HECW1: variants seen among roughly 807,000 people sequenced by gnomAD.
The protein encoded by HECW1 is E3 ubiquitin-protein ligase HECW1.
A neutral mutation model predicts 182.3 loss-of-function variants in HECW1; 61 were observed. The ratio of observed to expected loss-of-function variants is 0.33; its 90% confidence interval spans 0.27 to 0.41. The LOEUF (loss-of-function observed/expected upper bound fraction) is 0.41. Among genes scored for constraint, HECW1 ranks in the 10% least tolerant of loss-of-function variants. The pLI is 1.00. For missense variants in HECW1, 1,739 were observed against 2,108.9 expected, an observed-to-expected ratio of 0.82 and a Z score of 3.44; for synonymous variants, 859 against 832.6, an observed-to-expected ratio of 1.03 and a Z score of -0.55.
intron 8 of HECW1, among the ~76,000 whole-genome samples, chr7:43,412,390 C>G (rs1022366041): frequency 6.6e-6 from 1 of 151,430 alleles, no homozygotes; most frequent in Non-Finnish European, 1.5e-5. Context: ...TTAATGCCTC[C>G]CCATACATTT....
intron 2 of HECW1, among the ~76,000 whole-genome samples, chr7:43,181,683 T>TG (rs887047769): frequency 3.3e-5 from 5 of 151,094 alleles, no homozygotes; most frequent in African/African-American, 1.2e-4. Flanking sequence ...TTGAATTATT[T>TG]GGGTTCTTTG....
chr7:43,224,996 C>G (rs578125514), intron 2 of HECW1, among the ~76,000 whole-genome samples: 56 of 152,076 alleles, frequency 3.7e-4, no homozygotes, highest in African/African-American at 1.3e-3. Flanking sequence ...GCAGGCAACT[C>G]GGGGCCTATT....
chr7:43,324,438 G>A (rs1337923889), intron 5 of HECW1, among the ~76,000 whole-genome samples: 1 of 152,170 alleles, frequency 6.6e-6, no homozygotes, highest in African/African-American at 2.4e-5. Context: ...CATGTTATGT[G>A]AAATAATTAG....
intron 11 of HECW1, among the ~76,000 whole-genome samples, chr7:43,450,250 C>A (rs1366672568): frequency 6.6e-6 from 1 of 152,056 alleles, no homozygotes; most frequent in African/African-American, 2.4e-5. Flanking sequence ...CCCTCCCCAA[C>A]CCCCCAACCT....
intron 2 of HECW1, among the ~76,000 whole-genome samples, chr7:43,237,243 A>G (rs1798461580): frequency 2.0e-5 from 3 of 152,242 alleles, no homozygotes; most frequent in South Asian, 4.2e-4. Context: ...TTCTGGGGAA[A>G]AGGGACATTG....
At chr7:43,471,669 T>C (rs1357760140) in intron 16 of HECW1, among the ~76,000 whole-genome samples, 1 of 152,180 alleles carries the variant, frequency 6.6e-6, no homozygotes, top group African/African-American at 2.4e-5. Flanking sequence ...AGAGATTGCA[T>C]GTGTGCCTCA....
At chr7:43,199,727 T>C (rs1377501845) in intron 2 of HECW1, among the ~76,000 whole-genome samples, 1 of 152,168 alleles carries the variant, frequency 6.6e-6, no homozygotes, top group Non-Finnish European at 1.5e-5. Context: ...TAGAAAAAAA[T>C]ATAGAATTTT....
At chr7:43,539,933 G>A (rs1202811282) in intron 24 of HECW1, among the ~76,000 whole-genome samples, 1 of 152,174 alleles carries the variant, frequency 6.6e-6, no homozygotes, top group Middle Eastern at 3.2e-3. Context: ...TGAAGCACTG[G>A]TGGGGTACCC....
At chr7:43,338,194 G>T (rs10951726) in intron 5 of HECW1, among the ~76,000 whole-genome samples, 33,094 of 152,024 alleles carry the variant, frequency 0.22, 3,853 homozygotes, top group African/African-American at 0.32. Context: ...GTTGGCCTGG[G>T]AGACACTGCT....
At chr7:43,419,113 G>A (rs780739337) in intron 8 of HECW1, among the ~76,000 whole-genome samples, 3 of 152,114 alleles carry the variant, frequency 2.0e-5, no homozygotes, top group Non-Finnish European at 4.4e-5. Context: ...GCTCTCCTTT[G>A]GCTCTCTTCT....
At chr7:43,386,114 C>T (rs1180389668) in intron 6 of HECW1, among the ~76,000 whole-genome samples, 1 of 152,202 alleles carries the variant, frequency 6.6e-6, no homozygotes, top group Non-Finnish European at 1.5e-5. Context: ...TGGTCCCCTC[C>T]ATCTTCCAGC....
chr7:43,192,292 A>G (rs1794000530), intron 2 of HECW1, among the ~76,000 whole-genome samples: 1 of 152,234 alleles, frequency 6.6e-6, no homozygotes, highest in South Asian at 2.1e-4. Context: ...AGGGTGACTC[A>G]TTAACATTAA....
rs911340235 is a variant in HECW1, at chr7:43,523,732, C to T, written c.4019+14611C>T. The stretch of plus-strand genomic sequence containing the variant: ...CAGATGTACTTACTAATGAGAGAGG[C>T]GCCGAAAGCAAGAACCAGAGGGAGG... On this transcript the variant is annotated intron_variant, in intron 24 of 29. Transcript: ENST00000395891. 8.6e-5 allele frequency among the ~76,000 whole-genome samples: 13 copies of T among 151,824 alleles called. No homozygotes were observed. In the East Asian group the frequency reaches 9.7e-4, roughly 11 times the overall value.
At chr7:43,136,092 C>T (rs868107688) in intron 2 of HECW1, among the ~76,000 whole-genome samples, 1 of 150,004 alleles carries the variant, frequency 6.7e-6, no homozygotes, top group African/African-American at 2.5e-5. Flanking sequence ...TCAGTTTATT[C>T]ACCTTTGGAC....
rs546592331 is a variant in HECW1 at position 43,388,131 on chromosome 7, C to T, written c.556-8683C>T. 2.6e-5 allele frequency among the ~76,000 whole-genome samples: 4 copies of T among 152,306 alleles called. No individual in the cohort carries two copies. In the East Asian group the frequency reaches 7.7e-4, roughly 29 times the overall value. On this transcript the variant is annotated intron_variant, in intron 6 of 29. Transcript: ENST00000395891. ...TGGCAGAGAAAGGGACATGCTGGCT[C>T]CAGCCTGGCTGCCTCTTCACACCAT...
At chr7:43,244,555 G>A (rs562471268) in intron 3 of HECW1, among the ~76,000 whole-genome samples, 4 of 152,296 alleles carry the variant, frequency 2.6e-5, no homozygotes, top group South Asian at 2.1e-4. Flanking sequence ...GGTTTGTGCC[G>A]AATGAGCTCC....
chr7:43,187,996 G>T (rs2152681348), intron 2 of HECW1, among the ~76,000 whole-genome samples: 1 of 152,264 alleles, frequency 6.6e-6, no homozygotes. Context: ...TGCCTTTTTG[G>T]CACCGTAGCA....
Position 43,165,242 on chromosome 7 carries a change from C to A in HECW1, c.-32+50851C>A, listed in dbSNP as rs574575723. 1.5e-4 allele frequency among the ~76,000 whole-genome samples: 23 copies of A among 152,256 alleles called. No individual in the cohort carries two copies. The South Asian group carries it at 4.6e-3, about 30-fold the overall frequency. On this transcript the variant is annotated intron_variant, in intron 2 of 29. Transcript: ENST00000395891. Reference sequence around the variant, plus strand: ...TTGAAATGTGTCAATTTCCCTTTTTCTTTTCCTCTGTTTTCACTTTTGTGT... The same window carrying A: ...TTGAAATGTGTCAATTTCCCTTTTTATTTTCCTCTGTTTTCACTTTTGTGT...
intron 2 of HECW1, among the ~76,000 whole-genome samples, chr7:43,159,024 A>G (rs1460218660): frequency 6.6e-6 from 1 of 152,132 alleles, no homozygotes; most frequent in African/African-American, 2.4e-5. Flanking sequence ...AAGTTCCCAG[A>G]TGGTGCTGGA....
Sources: gnomAD v4.1 joint callset for allele counts (sites outside exome capture counted in the v4.1 genomes callset) on GRCh38, gnomAD v4.1.1 for gene constraint, MANE v1.5 for transcripts, NCBI Gene and HGNC (gene_info 2026-07-23, HGNC 2026-07-21) for gene names.